The following CALN1 variants were observed in gnomAD, a reference collection of about 807,000 sequenced individuals.
The protein encoded by CALN1 is calneuron 1, also known as calcium-binding protein 8.
A neutral mutation model predicts 30.6 loss-of-function variants in CALN1; 17 were observed. The observed-to-expected ratio is 0.56, with a 90% CI of 0.38 to 0.83. CALN1 has a LOEUF of 0.83. CALN1 is among the 40% of genes least tolerant of loss of function. The pLI is 0.00. For missense variants in CALN1, 291 were observed against 354.9 expected, an observed-to-expected ratio of 0.82 and a Z score of 1.45; for synonymous variants, 156 against 131.4, an observed-to-expected ratio of 1.19 and a Z score of -1.28.
chr7:72,380,526 G>A (rs1273996608), intron 2 of CALN1, among the ~76,000 whole-genome samples: 1 of 152,164 alleles, frequency 6.6e-6, no homozygotes, highest in South Asian at 2.1e-4. Context: ...AGGAGGCTGA[G>A]GCAGGAGGAT....
chr7:71,784,638 G>T lies in CALN1; in HGVS notation c.*3137C>A, dbSNP rs1023973729. On this transcript the variant is annotated 3_prime_UTR_variant, in exon 7 of 7. Transcript: ENST00000395275. ...TTGCTCATCACTTGTGCTTTCCAGG[G>T]GGGCGGCGGGGGGTACCTGCTCTTG... is the stretch of plus-strand genomic sequence containing the variant. 4 of 394,398 alleles carry T rather than the reference G, an allele frequency of 1.0e-5. No individual in the cohort carries two copies. Among genetic ancestry groups the T allele is most frequent in the African/African-American group, 8.2e-5 (4 of 48,494 alleles). The allele number at this position is 394,398 out of a possible 1,614,324, so 24.4% of individuals were successfully genotyped here.
intron 3 of CALN1, among the ~76,000 whole-genome samples, chr7:72,264,957 G>A (rs866334157): frequency 4.6e-5 from 7 of 152,000 alleles, no homozygotes; most frequent in African/African-American, 1.2e-4. Flanking sequence ...CTGTTCTTGC[G>A]TTAGTTTGCT....
At chr7:71,895,785 T>C (rs1793501308) in intron 5 of CALN1, among the ~76,000 whole-genome samples, 2 of 152,310 alleles carry the variant, frequency 1.3e-5, no homozygotes, top group Middle Eastern at 3.4e-3. Flanking sequence ...AGTCATTCAT[T>C]AGAGTTCGTG....
chr7:72,441,784 T>C (rs891142754), intron 1 of CALN1, among the ~76,000 whole-genome samples: 2 of 151,936 alleles, frequency 1.3e-5, no homozygotes, highest in Non-Finnish European at 2.9e-5. Context: ...CTGTGATGCC[T>C]CAGAACTCAG....
intron 5 of CALN1, among the ~76,000 whole-genome samples, chr7:71,903,479 T>C (rs1793971378): frequency 6.6e-6 from 1 of 152,074 alleles, no homozygotes. Flanking sequence ...ATGAATGGTG[T>C]TGGGAAAACT....
At chr7:71,849,128 T>C (rs1359108682) in intron 5 of CALN1, among the ~76,000 whole-genome samples, 1 of 152,326 alleles carries the variant, frequency 6.6e-6, no homozygotes, top group African/African-American at 2.4e-5. Context: ...TCTAACCATT[T>C]TAGAATTCTT....
At chr7:72,409,088 C>G (rs982801653) in intron 1 of CALN1, among the ~76,000 whole-genome samples, 1 of 151,908 alleles carries the variant, frequency 6.6e-6, no homozygotes, top group African/African-American at 2.4e-5. Context: ...TTCCGCCTCC[C>G]GGATTCAAGA....
At chr7:71,955,644 T>TA (rs1176033686) in intron 5 of CALN1, among the ~76,000 whole-genome samples, 1 of 152,010 alleles carries the variant, frequency 6.6e-6, no homozygotes, top group Non-Finnish European at 1.5e-5. Flanking sequence ...TTCCTTAGAT[T>TA]AAAAAACTGA....
At chr7:72,335,680 C>A (rs1878489) in intron 2 of CALN1, among the ~76,000 whole-genome samples, 149,899 of 152,356 alleles carry the variant, frequency 0.98, 73,781 homozygotes, top group Middle Eastern at 1. Flanking sequence ...CCAGGAGCTA[C>A]GGGCTTCGAC....
At chr7:72,024,986 A>G (rs987140793) in intron 4 of CALN1, among the ~76,000 whole-genome samples, 2 of 152,000 alleles carry the variant, frequency 1.3e-5, no homozygotes, top group African/African-American at 2.4e-5. Context: ...CTCTCCTACT[A>G]ACTCCATGTG....
At chr7:71,868,940 G>T (rs1408615549) in intron 5 of CALN1, among the ~76,000 whole-genome samples, 1 of 152,168 alleles carries the variant, frequency 6.6e-6, no homozygotes, top group African/African-American at 2.4e-5. Flanking sequence ...CCAGGAAGGA[G>T]ACCAGGAGAG....
intron 5 of CALN1, among the ~76,000 whole-genome samples, chr7:71,870,293 G>A (rs1294563513): frequency 6.6e-6 from 1 of 151,894 alleles, no homozygotes; most frequent in Non-Finnish European, 1.5e-5. Context: ...TGAGGCAGGA[G>A]AATTCCTTGA....
At chr7:71,977,414 A>C (rs1798153009) in intron 5 of CALN1, among the ~76,000 whole-genome samples, 1 of 151,912 alleles carries the variant, frequency 6.6e-6, no homozygotes, top group Non-Finnish European at 1.5e-5. Flanking sequence ...CAGTCTGGGC[A>C]ACACAGCAAG....
chr7:72,119,716 G>C (rs1209932354), intron 3 of CALN1, among the ~76,000 whole-genome samples: 2 of 152,144 alleles, frequency 1.3e-5, no homozygotes, highest in Admixed American at 6.5e-5. Context: ...GCAGGCAAGA[G>C]AGAACTTGTG....
At chr7:72,356,610 C>T (rs1170288337) in intron 2 of CALN1, among the ~76,000 whole-genome samples, 1 of 151,876 alleles carries the variant, frequency 6.6e-6, no homozygotes, top group Non-Finnish European at 1.5e-5. Flanking sequence ...AAAGATGGAA[C>T]ATTTCAAAAA....
chr7:72,172,224 T>G (rs2129545513), intron 3 of CALN1, among the ~76,000 whole-genome samples: 1 of 152,334 alleles, frequency 6.6e-6, no homozygotes, highest in African/African-American at 2.4e-5. Context: ...TGTCCACCTC[T>G]TAGTTTTTCA....
At chr7:72,389,861 G>C (rs528523583) in intron 2 of CALN1, among the ~76,000 whole-genome samples, 207 of 151,712 alleles carry the variant, frequency 1.4e-3, no homozygotes, top group African/African-American at 4.9e-3. Flanking sequence ...GGAGGTTGCA[G>C]TGAGCCAAGA....
chr7:72,366,065 T>C (rs1435790316), intron 2 of CALN1, among the ~76,000 whole-genome samples: 1 of 152,172 alleles, frequency 6.6e-6, no homozygotes, highest in Non-Finnish European at 1.5e-5. Context: ...GCTCATATTA[T>C]GAAAAATGAG....
At chr7:72,187,789 C>A (rs1264315541) in intron 3 of CALN1, among the ~76,000 whole-genome samples, 2 of 152,120 alleles carry the variant, frequency 1.3e-5, no homozygotes, top group Non-Finnish European at 2.9e-5. Context: ...GTCATATCAC[C>A]TTACTGGCTC....
Sources: allele counts gnomAD v4.1 joint callset (sites outside exome capture counted in the v4.1 genomes callset), GRCh38; gene constraint gnomAD v4.1.1; transcripts MANE v1.5; gene names NCBI Gene and HGNC (gene_info 2026-07-23, HGNC 2026-07-21).